Variants in INPP5D observed in about 807,000 individuals in gnomAD.
The protein encoded by INPP5D is phosphatidylinositol 3,4,5-trisphosphate 5-phosphatase 1.
A neutral mutation model predicts 122.9 loss-of-function variants in INPP5D; 33 were observed. The ratio of observed to expected loss-of-function variants is 0.27; its 90% CI spans 0.20 to 0.36. INPP5D has a LOEUF of 0.36. Ranked by LOEUF, INPP5D falls within the 10% of genes least tolerant of loss-of-function variation. The pLI is 1.00. For missense variants in INPP5D, 1,053 were observed against 1,412.7 expected (o/e 0.75, Z 4.08); for synonymous variants, 584 against 576.2 (o/e 1.01, Z -0.19).
intron 1 of INPP5D, among the ~76,000 whole-genome samples, chr2:233,075,507 G>T (rs1330016562): frequency 1.8e-5 from 1 of 54,696 alleles, no homozygotes; most frequent in Admixed American, 2.1e-4. Flanking sequence ...GCAAGATATT[G>T]TGTGTGTGTG....
intron 9 of INPP5D, among the ~76,000 whole-genome samples, chr2:233,157,375 G>A (rs185595365): frequency 6.6e-6 from 1 of 152,198 alleles, no homozygotes; most frequent in Admixed American, 6.5e-5. Flanking sequence ...AGGAACTGAT[G>A]AAAGTAGTTG....
chr2:233,098,188 C>T (rs764735556), intron 2 of INPP5D, among the ~76,000 whole-genome samples: 7 of 152,108 alleles, frequency 4.6e-5, no homozygotes, highest in Non-Finnish European at 8.8e-5. Flanking sequence ...CCACTGCACC[C>T]GGCCTTGGTT....
chr2:233,160,617 C>G lies in INPP5D; in HGVS notation c.1138-1107C>G, dbSNP rs1694174844. The stretch of plus-strand genomic sequence containing the variant: ...AATTTTCTCTTTCTTTCTTCCTTCC[C>G]TTCTTTCTTTCTTTTTCTGTTTCTT... On this transcript the variant is annotated intron_variant, in intron 10 of 26. Coordinates refer to ENST00000445964, the MANE Select transcript of INPP5D (RefSeq NM_001017915.3). The surrounding 1 kb of genome is among the most constrained non-coding windows in gnomAD (Gnocchi z 4.2). 6.6e-6 allele frequency among the ~76,000 whole-genome samples: 1 copy of G among 151,874 alleles called. No homozygotes were observed. Among genetic ancestry groups the G allele is most frequent in the Non-Finnish European group, 1.5e-5 (1 of 67,964 alleles).
chr2:233,080,876 G>C (rs1691668041), intron 2 of INPP5D, among the ~76,000 whole-genome samples: 1 of 152,186 alleles, frequency 6.6e-6, no homozygotes, highest in African/African-American at 2.4e-5. Flanking sequence ...GTGATTGAGA[G>C]AGGCCCAAGG....
chr2:233,071,280 GTC>G (rs1691378719), intron 1 of INPP5D, among the ~76,000 whole-genome samples: 1 of 151,282 alleles, frequency 6.6e-6, no homozygotes, highest in Admixed American at 6.6e-5. Context: ...CACAGAGTGA[GTC>G]TCTGCCTCAA....
At chr2:233,142,271 T>A (rs1255438049) in intron 6 of INPP5D, among the ~76,000 whole-genome samples, 3 of 152,212 alleles carry the variant, frequency 2.0e-5, no homozygotes, top group Non-Finnish European at 2.9e-5. Flanking sequence ...AAAAGGTTGT[T>A]CTTGATTTGT....
intron 17 of INPP5D, among the ~76,000 whole-genome samples, chr2:233,171,769 G>A (rs1694498990): frequency 6.6e-6 from 1 of 152,232 alleles, no homozygotes; most frequent in Non-Finnish European, 1.5e-5. Context: ...GGACTTCACA[G>A]TAGGAAAAAC....
rs760683644 is a variant in INPP5D at position 233,207,530 on chromosome 2, C to T, written c.*822C>T. 5 of 152,544 alleles carry T rather than the reference C, an allele frequency of 3.3e-5. No individual in the cohort carries two copies. The highest frequency in any genetic ancestry group is 4.8e-5 in the African/African-American group (2 of 41,586). 9.4% of individuals were successfully genotyped at this position (152,544 alleles called of 1,614,324 possible). A position where few individuals can be genotyped will look rare whatever the true frequency, so the allele number is the denominator to read the frequency against. On this transcript the variant is annotated 3_prime_UTR_variant, in exon 27 of 27. Transcript: ENST00000445964. This position sits in a 1 kb window ranked among gnomAD's most constrained non-coding sequence, Gnocchi z 4.6. ...TGTGCCAGGTTCCCTGTGCCCTCCTCGAGGTGGGCAGCCATCACCAGCCAC... is the reference window on the plus strand; with the variant it reads ...TGTGCCAGGTTCCCTGTGCCCTCCTTGAGGTGGGCAGCCATCACCAGCCAC...
intron 2 of INPP5D, among the ~76,000 whole-genome samples, chr2:233,086,142 T>TTTCTTTC (rs1277931153): frequency 8.6e-5 from 12 of 140,118 alleles, no homozygotes; most frequent in African/African-American, 3.3e-4. Context: ...TCTTTCTTTC[T>TTTCTTTC]TTCTTTCTTT....
At chr2:233,185,761 C>G in intron 20 of INPP5D, 82 bp from the exon 21 acceptor site, 4 of 1,063,336 alleles carry the variant, frequency 3.8e-6, no homozygotes, top group Non-Finnish European at 4.9e-6. Flanking sequence ...CTTCCTAGGT[C>G]TGGGTGGGGT....
At chr2:233,195,656 G>A (rs1695165763) in intron 24 of INPP5D, among the ~76,000 whole-genome samples, 161 bp downstream of exon 24, 1 of 152,160 alleles carries the variant, frequency 6.6e-6, no homozygotes, top group Admixed American at 6.5e-5. Flanking sequence ...AGACCAGCCT[G>A]AGCAACATAT....
At chr2:233,070,180 T>A (rs1032807792) in intron 1 of INPP5D, among the ~76,000 whole-genome samples, 1 of 152,246 alleles carries the variant, frequency 6.6e-6, no homozygotes, top group South Asian at 2.1e-4. Context: ...TTTTCTGTTA[T>A]CTACTTGCAC....
intron 18 of INPP5D, among the ~76,000 whole-genome samples, chr2:233,181,607 CT>C (rs910007797): frequency 6.6e-6 from 1 of 152,188 alleles, no homozygotes; most frequent in African/African-American, 2.4e-5. Context: ...TCTCTTGCCC[CT>C]TCCCAAAGTG....
chr2:233,103,299 G>A (rs914332558), intron 2 of INPP5D, among the ~76,000 whole-genome samples: 1 of 152,218 alleles, frequency 6.6e-6, no homozygotes, highest in African/African-American at 2.4e-5. Flanking sequence ...ATATGCCCAG[G>A]AGTGAAGTTG....
In INPP5D at chr2:233,198,234, G is replaced by A. The variant is rs746591123; in HGVS notation, c.2833G>A (p.Asp945Asn). ...CCAGCAGCCCACAGCCTGGAGCTAC[G>A]ACCAGCCGCCCAAGGACTCCCCGCT... ...PDQQPTAWSY[D>N]QPPKDSPLGP... The change falls in exon 25 of 27, where the codon GAC becomes AAC. Residue 945 changes from aspartate (D) to asparagine (N), a missense_variant. Physicochemically the swap from Asp to Asn is conservative, Grantham distance 23. This residue lies in a region of INPP5D where 417 missense variants were observed against 425.8 expected (regional missense o/e 0.98). Coordinates refer to ENST00000445964, the MANE Select transcript of INPP5D (RefSeq NM_001017915.3). 1.2e-5 allele frequency: 20 copies of A among 1,613,460 alleles called. No individual in the cohort carries two copies. The East Asian group carries it at 2.0e-4, about 16-fold the overall frequency.
At chr2:233,169,532 G>A in intron 14 of INPP5D, 131 bp downstream of exon 14, 2 of 1,393,922 alleles carry the variant, frequency 1.4e-6, no homozygotes, top group South Asian at 2.9e-5. Flanking sequence ...GGCCTTTCAG[G>A]GCCCACCACA....
At chr2:233,152,671 C>A (rs145770967) in intron 9 of INPP5D, among the ~76,000 whole-genome samples, 51,513 of 152,026 alleles carry the variant, frequency 0.34, 11,194 homozygotes, top group Non-Finnish European at 0.48. Flanking sequence ...GCTGGCTGTG[C>A]CCAACCCAGG....
At position 233,100,715 on chromosome 2, in the gene INPP5D, T is replaced by C. The variant is rs1692288102; in HGVS notation, c.198+21317T>C. The stretch of plus-strand genomic sequence containing the variant: ...GGTCCCAGTTCCTCAGAGCAGTGAC[T>C]TTCAGTTCCTTTGCAGGTGTGACCT... On this transcript the variant is annotated intron_variant, in intron 2 of 26. Transcript: ENST00000445964. The surrounding 1 kb of genome is among the most constrained non-coding windows in gnomAD (Gnocchi z 5.3). Among the ~76,000 whole-genome samples the C allele has an allele frequency of 6.6e-6, 1 of 152,206 alleles. No individual in the cohort carries two copies. The highest frequency in any genetic ancestry group is 2.4e-5 in the African/African-American group (1 of 41,462).
At chr2:233,169,990 A>G (rs1694449763) in intron 14 of INPP5D, 36 bp from the exon 15 acceptor site, 1 of 1,613,114 alleles carries the variant, frequency 6.2e-7, no homozygotes, top group South Asian at 1.1e-5. Context: ...GGAACCAGTG[A>G]CCCCGTGCTA....
Sources: gnomAD v4.1 joint callset for allele counts (sites outside exome capture counted in the v4.1 genomes callset) on GRCh38, gnomAD v4.1.1 for gene constraint, gnomAD v4.1.1 regional missense constraint, Gnocchi (gnomAD v3.1) non-coding constraint, MANE v1.5 for transcripts, NCBI Gene and HGNC (gene_info 2026-07-23, HGNC 2026-07-21) for gene names.